The following ATP10B variants were observed in gnomAD, a reference collection of about 807,000 sequenced individuals.
ATP10B encodes the protein ATPase phospholipid transporting 10B (putative).
Under a neutral mutation model 141.2 loss-of-function variants are expected in ATP10B, and 122 were observed. The observed-to-expected ratio is 0.86, with a 90% CI of 0.75 to 1.00. ATP10B has a LOEUF of 1.00. Among genes scored for constraint, ATP10B ranks in the 50% least tolerant of loss-of-function variants. The pLI, the probability that ATP10B is intolerant of heterozygous loss-of-function variation, is 0.00. For synonymous variants in ATP10B, 685 were observed against 692.0 expected (o/e 0.99, Z 0.16); for missense variants, 1,876 against 1,825.3 (o/e 1.03, Z -0.51).
chr5:160,747,097 A>T (rs1203875918), intron 2 of ATP10B, among the ~76,000 whole-genome samples: 1 of 152,234 alleles, frequency 6.6e-6, no homozygotes, highest in Non-Finnish European at 1.5e-5. Context: ...CCTGAGCCTC[A>T]GTCCTACAAG....
the ATP10B span, among the ~76,000 whole-genome samples, chr5:160,882,430 A>G: frequency 3.2e-4 from 48 of 152,104 alleles, no homozygotes; most frequent in Non-Finnish European, 6.8e-4. Flanking sequence ...AAGAAAATAC[A>G]TTATTTTTAA....
At chr5:160,775,082 C>T (rs75103019) in intron 2 of ATP10B, among the ~76,000 whole-genome samples, 4,566 of 152,302 alleles carry the variant, frequency 0.03, 109 homozygotes, top group Non-Finnish European at 0.043. Context: ...CTCCTTTGAA[C>T]GCAACTCTGT....
At chr5:160,757,640 G>A (rs1768724028) in intron 2 of ATP10B, among the ~76,000 whole-genome samples, 1 of 152,032 alleles carries the variant, frequency 6.6e-6, no homozygotes, top group African/African-American at 2.4e-5. Context: ...TTTTTAAAAT[G>A]GAATTTTAAA....
At chr5:160,686,456 T>C (rs1170050842) in intron 5 of ATP10B, among the ~76,000 whole-genome samples, 183 bp from the exon 6 acceptor site, 2 of 152,212 alleles carry the variant, frequency 1.3e-5, no homozygotes, top group Non-Finnish European at 2.9e-5. Flanking sequence ...CCATAGATTA[T>C]TGGGGAACAG....
chr5:160,643,884 G>A (rs1220820750), intron 9 of ATP10B, among the ~76,000 whole-genome samples: 2 of 152,124 alleles, frequency 1.3e-5, no homozygotes, highest in Admixed American at 6.5e-5. Context: ...AAAACCACCG[G>A]GATGATTGAG....
chr5:160,879,415 T>G, the ATP10B span, among the ~76,000 whole-genome samples: 3 of 118,230 alleles, frequency 2.5e-5, no homozygotes, highest in Admixed American at 8.6e-5. Flanking sequence ...AGGGATAGCA[T>G]TGGGAGATAT....
At chr5:160,733,885 C>T (rs1309293888) in intron 2 of ATP10B, among the ~76,000 whole-genome samples, 1 of 151,766 alleles carries the variant, frequency 6.6e-6, no homozygotes, top group Non-Finnish European at 1.5e-5. Context: ...GAGGTAAGAT[C>T]ATGAGGTCAA....
chr5:160,603,976 C>T lies in ATP10B; in HGVS notation c.3226G>A (p.Glu1076Lys), dbSNP rs765648684. 1.9e-6 allele frequency: 3 copies of T among 1,613,396 alleles called. No individual in the cohort carries two copies. The highest frequency in any genetic ancestry group is 2.2e-5 in the South Asian group (2 of 91,052). The change falls in exon 20 of 26, where the codon GAA (glutamate) becomes AAA (lysine). Residue 1076 changes from glutamate to lysine, a missense_variant. By Grantham distance (56) the Glu-to-Lys change is moderately conservative (BLOSUM62 1). Coordinates refer to ENST00000327245, the MANE Select transcript of ATP10B (RefSeq NM_025153.3). ...GCAGAGAACAATACCTGCATGCCTT[C>T]CTGTCCAGATATTCCAATTCCAATA... ...ADIGIGISGQEGMQAVMSSDF... is the reference protein window; with the variant it reads ...ADIGIGISGQKGMQAVMSSDF...
chr5:160,899,874 G>A, the ATP10B span, among the ~76,000 whole-genome samples: 4 of 152,120 alleles, frequency 2.6e-5, no homozygotes, highest in African/African-American at 4.8e-5. Flanking sequence ...CCTTTTCCCA[G>A]AGTGTGAGAC....
the ATP10B span, among the ~76,000 whole-genome samples, chr5:160,914,348 C>T: frequency 1.8e-3 from 273 of 152,204 alleles, 1 homozygote; most frequent in African/African-American, 5.7e-3. Flanking sequence ...TATAGTCATC[C>T]CTCATCATCC....
chr5:160,841,169 G>C (rs1263488081), intron 1 of ATP10B, among the ~76,000 whole-genome samples: 1 of 152,138 alleles, frequency 6.6e-6, no homozygotes, highest in African/African-American at 2.4e-5. Context: ...CAAAATGTCT[G>C]AGCATAGGAC....
At chr5:160,672,510 G>T (rs997050985) in intron 6 of ATP10B, among the ~76,000 whole-genome samples, 1 of 152,180 alleles carries the variant, frequency 6.6e-6, no homozygotes, top group African/African-American at 2.4e-5. Context: ...GATCTGTTCC[G>T]GAGGTGTGGG....
intron 24 of ATP10B, among the ~76,000 whole-genome samples, chr5:160,581,423 G>A (rs1755545042): frequency 6.6e-6 from 1 of 152,150 alleles, no homozygotes; most frequent in Non-Finnish European, 1.5e-5. Context: ...GGTCATTCAG[G>A]AGCAGGTTGT....
At chr5:160,882,442 T>G in the ATP10B span, among the ~76,000 whole-genome samples, 2 of 152,158 alleles carry the variant, frequency 1.3e-5, no homozygotes, top group African/African-American at 4.8e-5. Flanking sequence ...TATTTTTAAA[T>G]TTAAAAATTT....
chr5:160,640,682 A>G, intron 9 of ATP10B, 90 bp from the exon 10 acceptor site: 1 of 1,504,898 alleles, frequency 6.6e-7, no homozygotes, highest in South Asian at 1.3e-5. Context: ...GGAGCTTAAG[A>G]TAAAAGAGAG....
intron 12 of ATP10B, chr5:160,632,986 A>G (rs1409226962): frequency 2.0e-5 from 3 of 152,306 alleles, no homozygotes; most frequent in African/African-American, 7.2e-5. Flanking sequence ...ATTACTGGTC[A>G]TTAGAGAAAT....
intron 7 of ATP10B, among the ~76,000 whole-genome samples, chr5:160,655,534 G>A (rs1761433394): frequency 6.6e-6 from 1 of 152,126 alleles, no homozygotes; most frequent in African/African-American, 2.4e-5. Flanking sequence ...GTAATGGAGA[G>A]GGTGATATTA....
intron 1 of ATP10B, among the ~76,000 whole-genome samples, chr5:160,834,012 A>G (rs966510796): frequency 6.6e-6 from 1 of 152,124 alleles, no homozygotes; most frequent in Non-Finnish European, 1.5e-5. Context: ...ATCATCTAAT[A>G]GACTCCTGGT....
intron 17 of ATP10B, among the ~76,000 whole-genome samples, chr5:160,613,310 C>T (rs972617421): frequency 8.6e-5 from 13 of 152,016 alleles, no homozygotes; most frequent in African/African-American, 3.1e-4. Context: ...TGTGAAGTCC[C>T]AGAGACTACA....
Sources: gnomAD v4.1 joint callset for allele counts (sites outside exome capture counted in the v4.1 genomes callset) on GRCh38, gnomAD v4.1.1 for gene constraint, MANE v1.5 for transcripts, NCBI Gene and HGNC (gene_info 2026-07-23, HGNC 2026-07-21) for gene names.